The following MOK variants were observed in gnomAD, a reference collection of about 807,000 sequenced individuals.
MOK encodes the protein MOK protein kinase, also known as MAPK/MAK/MRK overlapping kinase.
MOK carries 59 observed loss-of-function variants against 54.2 expected under a neutral mutation model. The ratio of observed to expected loss-of-function variants is 1.09; its 90% CI spans 0.88 to 1.35. The LOEUF is 1.35. Among genes scored for constraint, MOK ranks in the 40% most tolerant of loss-of-function variants. MOK has a pLI of 0.00. For synonymous variants in MOK, 210 were observed against 202.7 expected, an observed-to-expected ratio of 1.04 and a Z score of -0.31; for missense variants, 517 against 526.2, an observed-to-expected ratio of 0.98 and a Z score of 0.17.
chr14:102,282,564 G>A (rs867172366), intron 2 of MOK, among the ~76,000 whole-genome samples: 2 of 151,448 alleles, frequency 1.3e-5, no homozygotes, highest in Non-Finnish European at 2.9e-5. Flanking sequence ...GTGAAGCCCC[G>A]TCTCTATAAA....
At chr14:102,229,923 T>C (rs1319821430) in intron 10 of MOK, 4 of 445,952 alleles carry the variant, frequency 9.0e-6, no homozygotes, top group Non-Finnish European at 1.2e-5. Flanking sequence ...GCTCGCGGGC[T>C]GTGGTGCCCA....
intron 2 of MOK, among the ~76,000 whole-genome samples, chr14:102,274,607 G>GA (rs894483888): frequency 5.5e-4 from 81 of 147,466 alleles, no homozygotes; most frequent in Non-Finnish European, 9.7e-4. Flanking sequence ...AATCCTCACA[G>GA]AAAAAAAAAA....
At position 102,250,952 on chromosome 14, in the gene MOK, C is replaced by A. The variant is rs1465195922; in HGVS notation, c.450G>T (p.Arg150=). The change falls in exon 7 of 12, where the codon CGG becomes CGT. Residue 150 remains arginine (R), a synonymous_variant. Coordinates refer to ENST00000361847, the MANE Select transcript of MOK (RefSeq NM_014226.3). ...VLKLGDFGSC[R]SVYSKQPYTE... is the part of the protein sequence containing the mutation. ...TGTACGGCTGCTTGGAATAGACACTCCGGCAGGAGCCAAAGTCCCCTAATT... is the reference window on the plus strand; with the variant it reads ...TGTACGGCTGCTTGGAATAGACACTACGGCAGGAGCCAAAGTCCCCTAATT... 3.1e-6 allele frequency: 5 copies of A among 1,614,120 alleles called. No homozygotes were observed. The highest frequency in any genetic ancestry group is 1.3e-5 in the African/African-American group (1 of 75,050).
intron 1 of MOK, among the ~76,000 whole-genome samples, chr14:102,288,826 C>T (rs943882766): frequency 6.6e-5 from 10 of 152,196 alleles, no homozygotes; most frequent in African/African-American, 1.9e-4. Context: ...TAACACTCTG[C>T]TTCTTGATCT....
chr14:102,294,287 A>T (rs1022275915), intron 1 of MOK, among the ~76,000 whole-genome samples: 1 of 152,124 alleles, frequency 6.6e-6, no homozygotes, highest in Admixed American at 6.6e-5. Flanking sequence ...TCTACTAAAA[A>T]TACAAAAAAT....
intron 1 of MOK, among the ~76,000 whole-genome samples, chr14:102,294,400 A>T (rs1445406645): frequency 1.3e-5 from 2 of 150,182 alleles, no homozygotes; most frequent in Non-Finnish European, 3.0e-5. Flanking sequence ...GAGCCGAGAT[A>T]GCGCCACTGC....
At chr14:102,251,325 G>A (rs2066509377) in intron 6 of MOK, 1 of 387,572 alleles carries the variant, frequency 2.6e-6, no homozygotes, top group Non-Finnish European at 4.8e-6. Context: ...TGCCCAGCAA[G>A]GGCTCTTTTA....
intron 7 of MOK, among the ~76,000 whole-genome samples, chr14:102,248,234 C>T (rs1408435828): frequency 6.6e-6 from 1 of 152,176 alleles, no homozygotes; most frequent in Non-Finnish European, 1.5e-5. Flanking sequence ...CTTCTCCGTG[C>T]GGTTCACCCT....
intron 4 of MOK, among the ~76,000 whole-genome samples, chr14:102,252,221 T>G (rs531738044): frequency 3.9e-5 from 6 of 152,220 alleles, no homozygotes; most frequent in Admixed American, 3.9e-4. Context: ...TCCCAGCACT[T>G]TGGGAGGCTG....
rs924204257 is a variant in MOK at position 102,232,054 on chromosome 14, G to A, written c.867-233C>T. On this transcript the variant is annotated intron_variant, in intron 9 of 11. Transcript: ENST00000361847. This position sits in a 1 kb window ranked among gnomAD's most constrained non-coding sequence, Gnocchi z 5.1. ...AGAAGCGCTGCCTACCCAGGGACTCGCAGTTTCAGATCAAACTGTCACCTC... is the reference window on the plus strand; with the variant it reads ...AGAAGCGCTGCCTACCCAGGGACTCACAGTTTCAGATCAAACTGTCACCTC... The A allele has an allele frequency of 3.3e-5, 15 of 450,354 alleles. 1 individual carries two copies. Among genetic ancestry groups the A allele is most frequent in the East Asian group, 2.7e-4 (8 of 29,124 alleles). The allele number at this position is 450,354 out of a possible 1,614,324, so 27.9% of individuals were successfully genotyped here. A position where few individuals can be genotyped will look rare whatever the true frequency, so the allele number is the denominator to read the frequency against.
Position 102,305,091 on chromosome 14 carries a change from G to C in MOK, c.-123C>G. On this transcript the variant is annotated 5_prime_UTR_variant, in exon 1 of 12. Coordinates refer to ENST00000361847, the MANE Select transcript of MOK (RefSeq NM_014226.3). ...GGTCCCGCACTAGGATCTCCGTGGT[G>C]GTCCCTCGAAGGAGAGCGTTAGAGA... 1 of 1,195,976 alleles carries C rather than the reference G, an allele frequency of 8.4e-7. No homozygotes were observed. Among genetic ancestry groups the C allele is most frequent in the Non-Finnish European group, 1.2e-6 (1 of 823,996 alleles). 74.1% of individuals were successfully genotyped at this position (1,195,976 alleles called of 1,614,324 possible).
At chr14:102,302,816 TAG>T (rs1567265722) in intron 1 of MOK, among the ~76,000 whole-genome samples, 3 of 151,268 alleles carry the variant, frequency 2.0e-5, no homozygotes, top group Middle Eastern at 3.4e-3. Flanking sequence ...ATAATATATA[TAG>T]AGAGAGTAAA....
downstream of MOK, chr14:102,226,279 G>T: frequency 4.3e-6 from 3 of 698,260 alleles, no homozygotes; most frequent in Non-Finnish European, 7.8e-6. The surrounding 1 kb of genome is among the most constrained non-coding windows in gnomAD (Gnocchi z 4.8). Flanking sequence ...GTGGATGAGG[G>T]TAGGCTCACA....
intron 2 of MOK, among the ~76,000 whole-genome samples, chr14:102,273,078 G>A (rs998530023): frequency 3.3e-5 from 5 of 152,072 alleles, no homozygotes; most frequent in African/African-American, 1.2e-4. Context: ...GCTGAGGCAG[G>A]AGAATCACTT....
intron 1 of MOK, among the ~76,000 whole-genome samples, chr14:102,298,313 G>A (rs145906570): frequency 0.018 from 2,736 of 151,596 alleles, 90 homozygotes; most frequent in African/African-American, 0.064. Context: ...TCTAGCTAAG[G>A]GATTGTAAAT....
rs758623819 is a variant in MOK at position 102,283,522 on chromosome 14, A to G, written c.78T>C (p.Asp26=). The G allele has an allele frequency of 1.9e-6, 3 of 1,613,676 alleles. No individual in the cohort carries two copies. The highest frequency in any genetic ancestry group is 8.5e-7 in the Non-Finnish European group (1 of 1,179,822). Residue 26 remains aspartate (D), a synonymous_variant, in exon 2 of 12, where the codon GAT becomes GAC. Coordinates refer to ENST00000361847, the MANE Select transcript of MOK (RefSeq NM_014226.3). The stretch of plus-strand genomic sequence containing the variant: ...TTTGTTTACATGCATAGTAGTTTCC[A>G]TCTCTCAGGCTTTGCATCTTCATAA... ...SEVMKMQSLR[D]GNYYACKQMK...
At chr14:102,289,774 T>A (rs193173756) in intron 1 of MOK, among the ~76,000 whole-genome samples, 15 of 151,730 alleles carry the variant, frequency 9.9e-5, no homozygotes, top group Non-Finnish European at 1.8e-4. Context: ...CCCAAAGTGC[T>A]GGGATTATAG....
chr14:102,294,223 G>A (rs2071138896), intron 1 of MOK, among the ~76,000 whole-genome samples: 1 of 150,592 alleles, frequency 6.6e-6, no homozygotes, highest in Non-Finnish European at 1.5e-5. Flanking sequence ...AAGGCGGGCG[G>A]ATCACGAGGT....
In MOK at chr14:102,236,537, A is replaced by C. The variant is rs2153090492; in HGVS notation, c.591-2748T>G. Among the ~76,000 whole-genome samples, 1 of 152,138 alleles carries C rather than the reference A, an allele frequency of 6.6e-6. No individual in the cohort carries two copies. The highest frequency in any genetic ancestry group is 3.4e-3 in the Middle Eastern group (1 of 294). ...AATTCAAAGCCAAATTCAAATTCAAATTTTGGCCAAATTCAAAGCTTCTAT... is the reference window on the plus strand; with the variant it reads ...AATTCAAAGCCAAATTCAAATTCAACTTTTGGCCAAATTCAAAGCTTCTAT... On this transcript the variant is annotated intron_variant, in intron 7 of 11. Transcript: ENST00000361847. This position sits in a 1 kb window ranked among gnomAD's most constrained non-coding sequence, Gnocchi z 4.5.
Sources: gnomAD v4.1 joint callset for allele counts (sites outside exome capture counted in the v4.1 genomes callset) on GRCh38, gnomAD v4.1.1 for gene constraint, Gnocchi (gnomAD v3.1) non-coding constraint, MANE v1.5 for transcripts, NCBI Gene and HGNC (gene_info 2026-07-23, HGNC 2026-07-21) for gene names.